Variants in SOX5 observed in about 807,000 individuals in gnomAD.
The protein encoded by SOX5 is SRY-box transcription factor 5, also known as transcription factor SOX-5.
Under a neutral mutation model 92.0 loss-of-function variants are expected in SOX5, and 9 were observed. The ratio of observed to expected loss-of-function variants is 0.10; its 90% CI spans 0.06 to 0.17. The LOEUF (loss-of-function observed/expected upper bound fraction) is 0.17, where lower values mean the gene tolerates loss of function less well. Among genes scored for constraint, SOX5 ranks in the 10% least tolerant of loss-of-function variants. The pLI, the probability that SOX5 is intolerant of heterozygous loss-of-function variation, is 1.00. For missense variants in SOX5, 642 were observed against 944.5 expected, an observed-to-expected ratio of 0.68 and a Z score of 4.20; for synonymous variants, 344 against 336.3, an observed-to-expected ratio of 1.02 and a Z score of -0.25.
chr12:23,893,698 G>A (rs2097151028), intron 2 of SOX5, among the ~76,000 whole-genome samples: 1 of 152,132 alleles, frequency 6.6e-6, no homozygotes, highest in African/African-American at 2.4e-5. Context: ...TCTGAAAGAG[G>A]ACAGTGATGA....
chr12:24,197,469 G>C (rs1957114420), intron 4 of SOX5, among the ~76,000 whole-genome samples: 1 of 152,070 alleles, frequency 6.6e-6, no homozygotes, highest in Non-Finnish European at 1.5e-5. Context: ...AGGAGATTAG[G>C]AGCTGTGGCA....
chr12:23,948,684 A>T (rs368151672), intron 1 of SOX5, among the ~76,000 whole-genome samples: 1 of 152,114 alleles, frequency 6.6e-6, no homozygotes, highest in East Asian at 1.9e-4. Flanking sequence ...AGTTCAAAAA[A>T]ATGAACTTAT....
rs1438105800 is a variant in SOX5 at position 24,523,126 on chromosome 12, GA to G, written c.-251+39202del. 2.0e-5 allele frequency among the ~76,000 whole-genome samples: 3 copies of G among 151,686 alleles called. No individual in the cohort carries two copies. The South Asian group carries it at 6.3e-4, about 32-fold the overall frequency. On this transcript the variant is annotated intron_variant, in intron 1 of 4. Transcript: ENST00000446891. ...CATTTCTATACACCAACAATAAACT[GA>G]AAAAAATAGGAAAACAATATCACCA...
chr12:23,717,785 C>T (rs1211123475), intron 6 of SOX5, among the ~76,000 whole-genome samples: 1 of 152,158 alleles, frequency 6.6e-6, no homozygotes, highest in Non-Finnish European at 1.5e-5. Flanking sequence ...TACAGCACAT[C>T]CTGAGGTTAT....
chr12:24,446,343 T>C (rs1941473047), intron 1 of SOX5, among the ~76,000 whole-genome samples: 1 of 151,976 alleles, frequency 6.6e-6, no homozygotes, highest in Non-Finnish European at 1.5e-5. Context: ...TGAGCTAAGA[T>C]CAGAAACACC....
intron 2 of SOX5, among the ~76,000 whole-genome samples, chr12:23,862,131 T>C (rs2096763257): frequency 6.6e-6 from 1 of 152,122 alleles, no homozygotes; most frequent in African/African-American, 2.4e-5. Context: ...ATTTAAAAAA[T>C]AAATTGCCTG....
At position 24,521,105 on chromosome 12, in the gene SOX5, A is replaced by C. The variant is rs538321573; in HGVS notation, c.-251+41224T>G. 1.8e-3 allele frequency among the ~76,000 whole-genome samples: 279 copies of C among 152,290 alleles called. 1 individual carries two copies. Among genetic ancestry groups the C allele is most frequent in the African/African-American group, 6.4e-3 (265 of 41,568 alleles). On this transcript the variant is annotated intron_variant, in intron 1 of 4. Transcript: ENST00000446891. ...TCTCGCTCTTGTCCCCCAAGGCTGG[A>C]GTGCAATGGTGCAATCTTGGCTCAC...
At chr12:24,010,719 G>C (rs1028296440) in intron 4 of SOX5, among the ~76,000 whole-genome samples, 1 of 152,102 alleles carries the variant, frequency 6.6e-6, no homozygotes, top group Non-Finnish European at 1.5e-5. Flanking sequence ...TGAATCACTT[G>C]CGGTCAGGGG....
intron 4 of SOX5, among the ~76,000 whole-genome samples, chr12:24,060,862 GA>G (rs1939547528): frequency 6.6e-6 from 1 of 152,220 alleles, no homozygotes; most frequent in Non-Finnish European, 1.5e-5. Flanking sequence ...GAAAGGCAAA[GA>G]AAGACGAGAG....
chr12:24,127,123 C>T (rs1249474663), intron 4 of SOX5, among the ~76,000 whole-genome samples: 1 of 151,944 alleles, frequency 6.6e-6, no homozygotes, highest in African/African-American at 2.4e-5. Context: ...CACAGTGGCT[C>T]ATGCCTGTGA....
intron 2 of SOX5, among the ~76,000 whole-genome samples, chr12:24,279,736 A>G (rs924942767): frequency 6.6e-6 from 1 of 152,190 alleles, no homozygotes; most frequent in African/African-American, 2.4e-5. Context: ...AAACGAATTC[A>G]TCAACTTAAA....
chr12:24,134,275 G>C (rs1264238359), intron 4 of SOX5, among the ~76,000 whole-genome samples: 1 of 152,118 alleles, frequency 6.6e-6, no homozygotes, highest in Non-Finnish European at 1.5e-5. Context: ...GGAATGGATG[G>C]AATCTGCCAC....
chr12:24,471,939 T>C (rs1944863983), intron 1 of SOX5, among the ~76,000 whole-genome samples: 1 of 152,148 alleles, frequency 6.6e-6, no homozygotes, highest in African/African-American at 2.4e-5. Flanking sequence ...TGTTTGTTCA[T>C]TAATTTTTAA....
chr12:24,497,779 G>A (rs1416261023), intron 1 of SOX5, among the ~76,000 whole-genome samples: 1 of 152,100 alleles, frequency 6.6e-6, no homozygotes, highest in Non-Finnish European at 1.5e-5. Context: ...ATTCACAACA[G>A]ACAAGACATG....
At chr12:23,724,806 G>C (rs1259056516) in intron 6 of SOX5, among the ~76,000 whole-genome samples, 1 of 152,142 alleles carries the variant, frequency 6.6e-6, no homozygotes, top group African/African-American at 2.4e-5. Flanking sequence ...CAAATGCCCT[G>C]ATGGTAGAAC....
chr12:24,440,103 G>C (rs973373194), intron 1 of SOX5, among the ~76,000 whole-genome samples: 2 of 152,216 alleles, frequency 1.3e-5, no homozygotes, highest in African/African-American at 2.4e-5. Flanking sequence ...TGAGGAGAAG[G>C]GGGAGAAGTA....
intron 2 of SOX5, among the ~76,000 whole-genome samples, chr12:23,847,244 T>A (rs933966093): frequency 6.6e-6 from 1 of 152,122 alleles, no homozygotes; most frequent in Non-Finnish European, 1.5e-5. Context: ...TCCTAAGATC[T>A]TTGAGACTCA....
chr12:23,972,815 G>A (rs1439035372), intron 4 of SOX5, among the ~76,000 whole-genome samples: 3 of 151,854 alleles, frequency 2.0e-5, no homozygotes, highest in African/African-American at 7.3e-5. Flanking sequence ...ATCATTTTTT[G>A]GTGAGAACGT....
At chr12:23,809,584 A>C (rs2142374872) in intron 3 of SOX5, among the ~76,000 whole-genome samples, 1 of 150,662 alleles carries the variant, frequency 6.6e-6, no homozygotes, top group South Asian at 2.1e-4. Flanking sequence ...CAATTTAAGA[A>C]TCATCTATTT....
Sources: gnomAD v4.1 joint callset for allele counts (sites outside exome capture counted in the v4.1 genomes callset) on GRCh38, gnomAD v4.1.1 for gene constraint, MANE v1.5 for transcripts, NCBI Gene and HGNC (gene_info 2026-07-23, HGNC 2026-07-21) for gene names.